The following ATP9B variants were observed in gnomAD, a reference collection of about 807,000 sequenced individuals.
ATP9B encodes the protein ATPase phospholipid transporting 9B.
ATP9B carries 110 observed loss-of-function variants against 146.1 expected under a neutral mutation model. The observed-to-expected ratio is 0.75, with a 90% CI of 0.65 to 0.88. The LOEUF (loss-of-function observed/expected upper bound fraction) is 0.88, where lower values mean the gene tolerates loss of function less well. Ranked by LOEUF, ATP9B falls within the 40% of genes least tolerant of loss-of-function variation. The probability of loss-of-function intolerance (pLI) is 0.00; values close to 1 mark genes in which losing one functional copy is unlikely to be tolerated. For synonymous variants in ATP9B, 604 were observed against 569.7 expected, an observed-to-expected ratio of 1.06 and a Z score of -0.86; for missense variants, 1,499 against 1,496.4, an observed-to-expected ratio of 1.00 and a Z score of -0.03.
At chr18:79,265,854 G>A (rs928513023) in intron 12 of ATP9B, among the ~76,000 whole-genome samples, 1 of 152,024 alleles carries the variant, frequency 6.6e-6, no homozygotes, top group Admixed American at 6.5e-5. Context: ...TGTCTTCCAG[G>A]ATTTCTATAG....
chr18:79,329,328 C>T (rs78994509), intron 16 of ATP9B, 26 bp downstream of exon 16: 79 of 1,552,752 alleles, frequency 5.1e-5, no homozygotes, highest in South Asian at 2.1e-4. Context: ...GGGTGCCACG[C>T]GATGGCTTCA....
At chr18:79,142,886 T>C (rs1427836812) in intron 5 of ATP9B, among the ~76,000 whole-genome samples, 1 of 152,218 alleles carries the variant, frequency 6.6e-6, no homozygotes, top group African/African-American at 2.4e-5. Flanking sequence ...GGTCTAAAAG[T>C]CAGTGTAACG....
chr18:79,324,584 TGA>T (rs966784161), intron 15 of ATP9B, among the ~76,000 whole-genome samples: 3 of 152,176 alleles, frequency 2.0e-5, no homozygotes, highest in African/African-American at 7.2e-5. Flanking sequence ...CGCTGTGGGC[TGA>T]GACCAGACCC....
intron 10 of ATP9B, among the ~76,000 whole-genome samples, chr18:79,208,111 G>A (rs1199941801): frequency 6.6e-6 from 1 of 152,186 alleles, no homozygotes; most frequent in Non-Finnish European, 1.5e-5. Flanking sequence ...CGGGCGTGGT[G>A]GCGGGCGCCT....
chr18:79,132,108 C>T (rs901661568), intron 5 of ATP9B, among the ~76,000 whole-genome samples: 2 of 152,144 alleles, frequency 1.3e-5, no homozygotes, highest in African/African-American at 4.8e-5. Context: ...TTTTATGTTA[C>T]GTACGTTTCA....
At position 79,171,761 on chromosome 18, in the gene ATP9B, C is replaced by G. The variant is rs1266559643; in HGVS notation, c.779-5052C>G. 2.6e-5 allele frequency among the ~76,000 whole-genome samples: 4 copies of G among 152,308 alleles called. No individual in the cohort carries two copies. In the East Asian group the frequency reaches 7.7e-4, roughly 29 times the overall value. On this transcript the variant is annotated intron_variant, in intron 7 of 29. Transcript: ENST00000426216. The stretch of plus-strand genomic sequence containing the variant: ...ACTAGCCCAGTGGGCTCAGCCATCC[C>G]TCTGCTTCCAGCAGCCCTCACCCTG...
chr18:79,316,667 A>G (rs1396433807), intron 15 of ATP9B, among the ~76,000 whole-genome samples: 1 of 152,154 alleles, frequency 6.6e-6, no homozygotes, highest in African/African-American at 2.4e-5. Flanking sequence ...AGCACCTGGT[A>G]CCCTCACCAG....
intron 7 of ATP9B, among the ~76,000 whole-genome samples, chr18:79,157,405 A>AAAAACAAAAAC (rs2094805917): frequency 8.0e-6 from 1 of 124,598 alleles, no homozygotes; most frequent in African/African-American, 2.9e-5. Context: ...TCAAAAAAAA[A>AAAAACAAAAAC]AAAAAAAAAA....
chr18:79,129,109 A>T (rs2094335876), intron 5 of ATP9B, among the ~76,000 whole-genome samples: 1 of 152,204 alleles, frequency 6.6e-6, no homozygotes, highest in Admixed American at 6.5e-5. Context: ...CTCAGGGCAG[A>T]AAAGTAGAAA....
At chr18:79,169,243 G>A in intron 7 of ATP9B, among the ~76,000 whole-genome samples, 1 of 152,136 alleles carries the variant, frequency 6.6e-6, no homozygotes, top group Middle Eastern at 3.4e-3. Flanking sequence ...CTATTTGTAT[G>A]GTCAACCCCA....
chr18:79,374,551 G>A (rs1032096114), intron 28 of ATP9B, among the ~76,000 whole-genome samples: 13 of 152,266 alleles, frequency 8.5e-5, no homozygotes, highest in African/African-American at 2.4e-4. Context: ...GAGCCCCGTC[G>A]GTCACTGGCT....
chr18:79,241,124 A>G (rs2095883909), intron 11 of ATP9B, among the ~76,000 whole-genome samples: 1 of 152,144 alleles, frequency 6.6e-6, no homozygotes, highest in African/African-American at 2.4e-5. Flanking sequence ...TTAAACCAAA[A>G]CTTAAGCTGT....
rs953860345 is a variant in ATP9B, at chr18:79,273,551, A to G, written c.1269-3503A>G. Reference sequence around the variant, plus strand: ...TTAGAATCCAAAAAATAAGTCTGACAGAGGAACGCATGTGAATTATTTCAG... The same window carrying G: ...TTAGAATCCAAAAAATAAGTCTGACGGAGGAACGCATGTGAATTATTTCAG... On this transcript the variant is annotated intron_variant, in intron 12 of 29. Coordinates refer to ENST00000426216, the MANE Select transcript of ATP9B (RefSeq NM_198531.5). Among the ~76,000 whole-genome samples the G allele has an allele frequency of 6.6e-5, 10 of 152,268 alleles. No individual in the cohort carries two copies. In the South Asian group the frequency reaches 1.2e-3, roughly 19 times the overall value.
At chr18:79,216,894 C>G (rs2095631886) in intron 11 of ATP9B, among the ~76,000 whole-genome samples, 1 of 152,200 alleles carries the variant, frequency 6.6e-6, no homozygotes, top group Admixed American at 6.5e-5. Context: ...TGGTATTTTC[C>G]TGGTGATTAA....
intron 6 of ATP9B, among the ~76,000 whole-genome samples, chr18:79,148,147 C>T (rs780100934): frequency 2.6e-5 from 4 of 151,984 alleles, no homozygotes; most frequent in Non-Finnish European, 4.4e-5. Flanking sequence ...GTCCTGTAGC[C>T]AATAAAGAAG....
rs551960658 is a variant in ATP9B at position 79,187,351 on chromosome 18, G to A, written c.874-5832G>A. ...CTCTGATACGTGGGTTCCAGTGACT[G>A]CCCCACCTCCACACTGTCCCACAGG... On this transcript the variant is annotated intron_variant, in intron 8 of 29. Coordinates refer to ENST00000426216, the MANE Select transcript of ATP9B (RefSeq NM_198531.5). Among the ~76,000 whole-genome samples the A allele has an allele frequency of 8.9e-4, 135 of 152,270 alleles. 1 individual carries two copies. Among genetic ancestry groups the A allele is most frequent in the African/African-American group, 3.2e-3 (134 of 41,558 alleles).
chr18:79,367,682 G>A (rs913206435), intron 26 of ATP9B, among the ~76,000 whole-genome samples: 1 of 152,264 alleles, frequency 6.6e-6, no homozygotes, highest in Admixed American at 6.5e-5. Flanking sequence ...TCCAAGGGAA[G>A]TGGAACTCCA....
chr18:79,234,114 T>C (rs2095817211), intron 11 of ATP9B, among the ~76,000 whole-genome samples: 1 of 152,066 alleles, frequency 6.6e-6, no homozygotes, highest in Non-Finnish European at 1.5e-5. Flanking sequence ...GATACATCAA[T>C]CTTGGAACAG....
intron 1 of ATP9B, among the ~76,000 whole-genome samples, chr18:79,070,822 C>T (rs961071857): frequency 9.3e-5 from 14 of 150,916 alleles, no homozygotes; most frequent in African/African-American, 3.4e-4. Flanking sequence ...GCCATTTATG[C>T]TTTTTTTTGG....
Sources: gnomAD v4.1 joint callset for allele counts (sites outside exome capture counted in the v4.1 genomes callset) on GRCh38, gnomAD v4.1.1 for gene constraint, MANE v1.5 for transcripts, NCBI Gene and HGNC (gene_info 2026-07-23, HGNC 2026-07-21) for gene names.